The following LTF variants were observed in gnomAD, a reference collection of about 807,000 sequenced individuals.
LTF encodes epididymis luminal protein 110.
Under a neutral mutation model 87.2 loss-of-function variants are expected in LTF, and 91 were observed. The ratio of observed to expected loss-of-function variants is 1.04; its 90% CI spans 0.88 to 1.24. The LOEUF is 1.24. Among genes scored for constraint, LTF ranks in the 50% most tolerant of loss-of-function variants. The probability of loss-of-function intolerance (pLI) is 0.00; values close to 1 mark genes in which losing one functional copy is unlikely to be tolerated. For missense variants in LTF, 901 were observed against 904.3 expected, an observed-to-expected ratio of 1.00 and a Z score of 0.05; for synonymous variants, 378 against 356.1, an observed-to-expected ratio of 1.06 and a Z score of -0.69.
intron 6 of LTF, among the ~76,000 whole-genome samples, chr3:46,452,147 A>G (rs1169065982): frequency 6.6e-6 from 1 of 152,254 alleles, no homozygotes; most frequent in Non-Finnish European, 1.5e-5. Context: ...ACCAACAGAA[A>G]CTAATAAAAC....
chr3:46,438,155 T>C (rs761988910), intron 15 of LTF, 26 bp from the exon 16 acceptor site: 2 of 1,593,692 alleles, frequency 1.3e-6, no homozygotes, highest in South Asian at 1.1e-5. Context: ...AGACAGTGAG[T>C]AGCTAAGGAA....
intron 1 of LTF, among the ~76,000 whole-genome samples, chr3:46,476,901 G>C (rs1703366214): frequency 6.6e-6 from 1 of 152,212 alleles, no homozygotes; most frequent in South Asian, 2.1e-4. Context: ...TAATCTTTAT[G>C]TATGTGAGTG....
chr3:46,455,669 A>T, intron 4 of LTF, 127 bp downstream of exon 4: 1 of 1,209,654 alleles, frequency 8.3e-7, no homozygotes. Context: ...GGATGTTACA[A>T]GCTGGCCAGC....
At chr3:46,468,699 AG>A (rs1703246581), upstream of LTF, among the ~76,000 whole-genome samples, 2 of 152,336 alleles carry the variant, frequency 1.3e-5, no homozygotes, top group Non-Finnish European at 2.9e-5. Context: ...AAGGCAGAAA[AG>A]GCCTTCCTGA....
intron 13 of LTF, chr3:46,441,928 A>AGTGT (rs1702526271): frequency 1.3e-4 from 11 of 87,398 alleles, no homozygotes; most frequent in Admixed American, 8.3e-4. Flanking sequence ...AGAGAGAGAG[A>AGTGT]GAGAGAGTGT....
intron 1 of LTF, among the ~76,000 whole-genome samples, chr3:46,462,695 G>A (rs1025741506): frequency 6.6e-6 from 1 of 152,158 alleles, no homozygotes; most frequent in African/African-American, 2.4e-5. Flanking sequence ...GGCAGGGGCA[G>A]AGTGAACTGA....
intron 10 of LTF, among the ~76,000 whole-genome samples, chr3:46,446,969 T>C (rs980934661): frequency 6.6e-6 from 1 of 152,236 alleles, no homozygotes; most frequent in African/African-American, 2.4e-5. Flanking sequence ...AAGGGGCTTC[T>C]GAAACTTGCA....
chr3:46,457,657 G>A (rs1242810087), intron 2 of LTF, among the ~76,000 whole-genome samples: 6 of 152,160 alleles, frequency 3.9e-5, no homozygotes, highest in African/African-American at 1.2e-4. Context: ...CTAACAAATC[G>A]CTCAGGTCTG....
chr3:46,457,564 C>A (rs576336086), intron 2 of LTF, among the ~76,000 whole-genome samples: 31 of 152,174 alleles, frequency 2.0e-4, no homozygotes, highest in Non-Finnish European at 2.4e-4. Flanking sequence ...TGGCGCTGAC[C>A]GTGAGGACCA....
At chr3:46,436,531 G>C (rs754848975) in intron 16 of LTF, among the ~76,000 whole-genome samples, 1 of 152,164 alleles carries the variant, frequency 6.6e-6, no homozygotes, top group Non-Finnish European at 1.5e-5. Flanking sequence ...AGACATTGGT[G>C]GTCCTCTAGC....
chr3:46,454,798 G>C (rs557333127), intron 5 of LTF, among the ~76,000 whole-genome samples: 1 of 152,150 alleles, frequency 6.6e-6, no homozygotes, highest in Non-Finnish European at 1.5e-5. Flanking sequence ...GCCTCCGCGT[G>C]GGGGCAGAGA....
At chr3:46,482,560 G>GAAGGGAAGGGAAGGGAAGGGAAGGA (rs1559614578) in intron 1 of LTF, among the ~76,000 whole-genome samples, 1 of 52,286 alleles carries the variant, frequency 1.9e-5, no homozygotes, top group African/African-American at 8.0e-5. Context: ...GAAGGGAAGG[G>GAAGGGAAGGGAAGGGAAGGGAAGGA]AAGGGAAGGG....
rs758333122 is a variant in LTF at position 46,455,400 on chromosome 3, T to C, written c.542A>G (p.Asp181Gly). ...FFSASCVPGA[D>G]KGQFPNLCRL... ...ACACAGGTTGGGGAACTGTCCTTTA[T>C]CTGCACCGGGAACACAGCTGGCTGA... The change falls in exon 5 of 17, where the codon GAT becomes GGT. Residue 181 changes from aspartate (D) to glycine (G), a missense_variant. Transcript: ENST00000231751. 4 of 1,614,218 alleles carry C rather than the reference T, an allele frequency of 2.5e-6. No homozygotes were observed. The South Asian group carries it at 4.4e-5, about 18-fold the overall frequency.
intron 1 of LTF, among the ~76,000 whole-genome samples, chr3:46,470,861 C>T (rs1413184300): frequency 6.6e-6 from 1 of 152,192 alleles, no homozygotes; most frequent in African/African-American, 2.4e-5. Context: ...ATAATATCCA[C>T]CGTATGAGGT....
At chr3:46,476,072 G>T (rs1352830522) in intron 1 of LTF, among the ~76,000 whole-genome samples, 1 of 151,706 alleles carries the variant, frequency 6.6e-6, no homozygotes, top group Non-Finnish European at 1.5e-5. Flanking sequence ...ATCTATTTTT[G>T]TATTTATCCT....
intron 5 of LTF, among the ~76,000 whole-genome samples, 199 bp from the exon 6 acceptor site, chr3:46,454,559 AG>A (rs1323219290): frequency 6.6e-6 from 1 of 152,212 alleles, no homozygotes; most frequent in East Asian, 1.9e-4. Flanking sequence ...TGCTAGCCAG[AG>A]GCCCCCATCT....
chr3:46,484,826 C>A (rs2106934962), intron 1 of LTF, among the ~76,000 whole-genome samples: 1 of 152,312 alleles, frequency 6.6e-6, no homozygotes, highest in South Asian at 2.1e-4. Flanking sequence ...GAGGTCAATT[C>A]TTTCACATCC....
intron 1 of LTF, among the ~76,000 whole-genome samples, chr3:46,477,525 C>A (rs1703375726): frequency 6.6e-6 from 1 of 152,230 alleles, no homozygotes; most frequent in African/African-American, 2.4e-5. Context: ...TCCCCACTCC[C>A]CAGATCTAGC....
intron 15 of LTF, 111 bp from the exon 16 acceptor site, chr3:46,438,240 G>T: frequency 1.1e-6 from 1 of 876,862 alleles, no homozygotes. Flanking sequence ...AAACCATGGG[G>T]CAGAAGGAGC....
Sources: gnomAD v4.1 joint callset for allele counts (sites outside exome capture counted in the v4.1 genomes callset) on GRCh38, gnomAD v4.1.1 for gene constraint, MANE v1.5 for transcripts, NCBI Gene and HGNC (gene_info 2026-07-23, HGNC 2026-07-21) for gene names.